Variants in OXSR1 observed in about 807,000 individuals in gnomAD.
OXSR1 encodes the protein oxidative stress responsive kinase 1.
In OXSR1, 24 loss-of-function variants were observed where a neutral mutation model predicts 79.8. The observed-to-expected ratio is 0.30, with a 90% CI of 0.22 to 0.42. OXSR1 has a LOEUF of 0.42. OXSR1 is among the 10% of genes least tolerant of loss of function. OXSR1 has a pLI of 1.00. For missense variants in OXSR1, 430 were observed against 618.4 expected (o/e 0.70, Z 3.23); for synonymous variants, 226 against 209.2 (o/e 1.08, Z -0.69).
intron 1 of OXSR1, among the ~76,000 whole-genome samples, chr3:38,172,025 T>C (rs1048425863): frequency 2.6e-5 from 4 of 152,206 alleles, no homozygotes; most frequent in African/African-American, 9.6e-5. Context: ...GGGGCCGTTA[T>C]ATAGATTGAG....
chr3:38,186,670 A>G (rs996340027), intron 2 of OXSR1, among the ~76,000 whole-genome samples: 1 of 152,188 alleles, frequency 6.6e-6, no homozygotes, highest in Non-Finnish European at 1.5e-5. Context: ...ATAACAGTCC[A>G]TTATATAGAT....
At chr3:38,238,162 G>A (rs1298464323) in intron 11 of OXSR1, among the ~76,000 whole-genome samples, 3 of 151,864 alleles carry the variant, frequency 2.0e-5, no homozygotes, top group African/African-American at 7.3e-5. Flanking sequence ...TATATACTTT[G>A]GCCACAGAAT....
At chr3:38,172,318 C>T (rs757641790) in intron 1 of OXSR1, among the ~76,000 whole-genome samples, 1 of 151,918 alleles carries the variant, frequency 6.6e-6, no homozygotes, top group Non-Finnish European at 1.5e-5. Flanking sequence ...TGTTGGACAT[C>T]GTAGTATAAC....
chr3:38,191,771 A>G (rs1701988700), intron 3 of OXSR1, among the ~76,000 whole-genome samples: 1 of 140,092 alleles, frequency 7.1e-6, no homozygotes, highest in South Asian at 2.3e-4. Context: ...CTTTGTAAGT[A>G]TCCAGTTCTC....
chr3:38,192,988 A>G (rs1305038865), intron 3 of OXSR1, among the ~76,000 whole-genome samples: 1 of 152,252 alleles, frequency 6.6e-6, no homozygotes, highest in Non-Finnish European at 1.5e-5. Flanking sequence ...GAGAGACTAT[A>G]AACAACATAA....
chr3:38,247,704 A>T lies in OXSR1; in HGVS notation c.1294A>T (p.Ile432Phe). 1 of 1,612,104 alleles carries T rather than the reference A, an allele frequency of 6.2e-7. No homozygotes were observed. Among genetic ancestry groups the T allele is most frequent in the African/African-American group, 1.3e-5 (1 of 74,962 alleles). Residue 432 changes from isoleucine to phenylalanine, a missense_variant, in exon 14 of 18, where the codon ATC (isoleucine) becomes TTC (phenylalanine). Physicochemically the swap from Ile to Phe is conservative, Grantham distance 21. Around this residue, in one of 3 missense-constraint regions of OXSR1, gnomAD observed 276 missense variants for 354.2 expected, o/e 0.78. Coordinates refer to ENST00000311806, the MANE Select transcript of OXSR1 (RefSeq NM_005109.3). ...SSGSGSQETK[I>F]PISLVLRLRN... is the part of the protein sequence containing the mutation. ...AGGATCAGGTTCACAAGAAACCAAG[A>T]TCCCAATCAGTCTAGTACTAAGATT... is the stretch of plus-strand genomic sequence containing the variant.
At chr3:38,207,483 T>C (rs1361202933) in intron 4 of OXSR1, among the ~76,000 whole-genome samples, 1 of 152,188 alleles carries the variant, frequency 6.6e-6, no homozygotes, top group Non-Finnish European at 1.5e-5. Context: ...TTATGCCATT[T>C]CCTATTAGCA....
In OXSR1 at chr3:38,218,437, A is replaced by G. The variant is rs116375562; in HGVS notation, c.490+2286A>G. ...GATTAGTGATGGTGAACATCTTTTC[A>G]TGTGCTTATTGGCCATTTGTATATC... is the stretch of plus-strand genomic sequence containing the variant. On this transcript the variant is annotated intron_variant, in intron 5 of 17. Transcript: ENST00000311806. Among the ~76,000 whole-genome samples, 1,083 of 152,276 alleles carry G rather than the reference A, an allele frequency of 7.1e-3. 19 individuals are homozygous for G. Among genetic ancestry groups the G allele is most frequent in the African/African-American group, 0.025 (1,039 of 41,560 alleles).
At chr3:38,236,679 C>T (rs1271146636) in intron 10 of OXSR1, 160 bp from the exon 11 acceptor site, 2 of 533,942 alleles carry the variant, frequency 3.7e-6, no homozygotes, top group East Asian at 3.1e-5. Context: ...CAACAGAGAG[C>T]AGGTGATGGT....
At position 38,205,436 on chromosome 3, in the gene OXSR1, C is replaced by T. The variant is rs60518060; in HGVS notation, c.434+6573C>T. On this transcript the variant is annotated intron_variant, in intron 4 of 17. Coordinates refer to ENST00000311806, the MANE Select transcript of OXSR1 (RefSeq NM_005109.3). Reference sequence around the variant, plus strand: ...TCTGTTTTCCAGTTTGCCTGGGTTTCATTTTTGGATAGGCCCTTTTGTCTC... The same window carrying T: ...TCTGTTTTCCAGTTTGCCTGGGTTTTATTTTTGGATAGGCCCTTTTGTCTC... 9.0e-3 allele frequency among the ~76,000 whole-genome samples: 1,372 copies of T among 152,298 alleles called. 11 individuals carry two copies. Among genetic ancestry groups the T allele is most frequent in the African/African-American group, 0.021 (864 of 41,570 alleles).
At chr3:38,168,569 A>G (rs1701513197) in intron 1 of OXSR1, among the ~76,000 whole-genome samples, 1 of 152,202 alleles carries the variant, frequency 6.6e-6, no homozygotes, top group African/African-American at 2.4e-5. Flanking sequence ...ACAATTCAAT[A>G]ATCTTTTAGT....
chr3:38,185,143 C>T (rs1701860492), intron 2 of OXSR1, among the ~76,000 whole-genome samples: 1 of 151,400 alleles, frequency 6.6e-6, no homozygotes, highest in Non-Finnish European at 1.5e-5. Flanking sequence ...TTGAATACGA[C>T]TTACACATAT....
intron 3 of OXSR1, among the ~76,000 whole-genome samples, chr3:38,195,377 G>C (rs1702055014): frequency 6.6e-6 from 1 of 152,144 alleles, no homozygotes; most frequent in South Asian, 2.1e-4. Flanking sequence ...GGAGGATCCA[G>C]GTAAAATGTC....
intron 1 of OXSR1, among the ~76,000 whole-genome samples, chr3:38,171,474 G>T (rs934767522): frequency 1.3e-5 from 2 of 152,072 alleles, no homozygotes; most frequent in African/African-American, 2.4e-5. Context: ...ATCAAAACAC[G>T]TACATTTATT....
chr3:38,235,581 C>G (rs1005863881), intron 10 of OXSR1, among the ~76,000 whole-genome samples: 1 of 152,118 alleles, frequency 6.6e-6, no homozygotes, highest in Non-Finnish European at 1.5e-5. Context: ...TGAAAATAGA[C>G]TAATGCTGAC....
chr3:38,198,260 AGTTT>A (rs1380914987), intron 3 of OXSR1, among the ~76,000 whole-genome samples: 1 of 152,130 alleles, frequency 6.6e-6, no homozygotes, highest in Non-Finnish European at 1.5e-5. Flanking sequence ...GTCCTAAGTT[AGTTT>A]GTGTATGTAT....
intron 1 of OXSR1, among the ~76,000 whole-genome samples, chr3:38,170,488 C>A (rs761855854): frequency 1.2e-4 from 18 of 150,764 alleles, no homozygotes; most frequent in Admixed American, 2.6e-4. Flanking sequence ...TTTTTTTTTC[C>A]TGTTTTTTTT....
intron 8 of OXSR1, among the ~76,000 whole-genome samples, chr3:38,229,130 T>C (rs1226849696): frequency 6.6e-6 from 1 of 152,184 alleles, no homozygotes; most frequent in East Asian, 1.9e-4. Context: ...AGTTAAACAC[T>C]GAGTTTTGTT....
intron 8 of OXSR1, among the ~76,000 whole-genome samples, chr3:38,225,457 T>C (rs1702671575): frequency 6.6e-6 from 1 of 152,166 alleles, no homozygotes; most frequent in African/African-American, 2.4e-5. Flanking sequence ...AAGACTTTGA[T>C]GTTCTTGATC....
Sources: gnomAD v4.1 joint callset for allele counts (sites outside exome capture counted in the v4.1 genomes callset) on GRCh38, gnomAD v4.1.1 for gene constraint, gnomAD v4.1.1 regional missense constraint, MANE v1.5 for transcripts, NCBI Gene and HGNC (gene_info 2026-07-23, HGNC 2026-07-21) for gene names.